The following EXOSC10 variants were observed in gnomAD, a reference collection of about 807,000 sequenced individuals.
EXOSC10 encodes the protein exosome complex component 10.
In EXOSC10, 94 loss-of-function variants were observed where a neutral mutation model predicts 126.6. The ratio of observed to expected loss-of-function variants is 0.74; its 90% CI spans 0.63 to 0.88. The LOEUF is 0.88. Ranked by LOEUF, EXOSC10 falls within the 40% of genes least tolerant of loss-of-function variation. The pLI, the probability that EXOSC10 is intolerant of heterozygous loss-of-function variation, is 0.00. For synonymous variants in EXOSC10, 395 were observed against 400.8 expected (o/e 0.99, Z 0.17); for missense variants, 1,041 against 1,100.5 (o/e 0.95, Z 0.77).
Position 11,072,463 on chromosome 1 carries a change from G to A in EXOSC10, c.2158-292C>T, listed in dbSNP as rs570068754. On this transcript the variant is annotated intron_variant, in intron 19 of 24. Transcript: ENST00000376936. ...CTGTCATCACCCTCTCTTTAGAGATGAGCAAACAGACTCCGGGAGAGTAAA... is the reference window on the plus strand; with the variant it reads ...CTGTCATCACCCTCTCTTTAGAGATAAGCAAACAGACTCCGGGAGAGTAAA... 6.5e-5 allele frequency: 19 copies of A among 291,630 alleles called. No individual in the cohort carries two copies. The East Asian group carries it at 1.6e-3, about 24-fold the overall frequency. The allele number at this position is 291,630 out of a possible 1,614,324, so 18.1% of individuals were successfully genotyped here.
chr1:11,092,420 G>A (rs981701395), intron 3 of EXOSC10, among the ~76,000 whole-genome samples: 3 of 150,580 alleles, frequency 2.0e-5, no homozygotes, highest in African/African-American at 7.3e-5. Flanking sequence ...TCACCAGGTT[G>A]GCCAGGATGG....
In EXOSC10 at chr1:11,080,255, A is replaced by G. The variant is rs921299471; in HGVS notation, c.1637+244T>C. Among the ~76,000 whole-genome samples the G allele has an allele frequency of 3.0e-4, 45 of 152,224 alleles. 1 individual carries two copies. The highest frequency in any genetic ancestry group is 6.2e-4 in the Non-Finnish European group (42 of 68,026). On this transcript the variant is annotated intron_variant, in intron 13 of 24. Coordinates refer to ENST00000376936, the MANE Select transcript of EXOSC10 (RefSeq NM_001001998.3). ...CTTGCAAGTAGATGCTATAAGGCTCAGAGACTTAAAATAAACTCAAACTAA... is the reference window on the plus strand; with the variant it reads ...CTTGCAAGTAGATGCTATAAGGCTCGGAGACTTAAAATAAACTCAAACTAA...
At position 11,079,790 on chromosome 1, in the gene EXOSC10, G is replaced by A; in HGVS notation, c.1670C>T (p.Pro557Leu). The A allele has an allele frequency of 1.9e-6, 3 of 1,613,676 alleles. No homozygotes were observed. Among genetic ancestry groups the A allele is most frequent in the South Asian group, 1.1e-5 (1 of 90,938 alleles). Reference sequence around the variant, plus strand: ...CTGCTGCCGCACAAGGGGCGGTACTGGGTTGCAGCAAGCTATGATGCCCTG... The same window carrying A: ...CTGCTGCCGCACAAGGGGCGGTACTAGGTTGCAGCAAGCTATGATGCCCTG... ...EPQGIIACCN[P>L]VPPLVRQQIN... Residue 557 changes from proline to leucine, a missense_variant, in exon 14 of 25, where the codon CCA becomes CTA. Transcript: ENST00000376936.
intron 9 of EXOSC10, among the ~76,000 whole-genome samples, chr1:11,083,374 C>G (rs1640280771): frequency 1.3e-5 from 2 of 151,818 alleles, no homozygotes; most frequent in Admixed American, 1.3e-4. Flanking sequence ...CCAGCCTGAC[C>G]AACATGGCAA....
At chr1:11,085,272 C>G (rs1640426900) in intron 9 of EXOSC10, among the ~76,000 whole-genome samples, 1 of 152,086 alleles carries the variant, frequency 6.6e-6, no homozygotes, top group Admixed American at 6.6e-5. Context: ...ATGGAATGTT[C>G]TTCCATTTGT....
chr1:11,099,684 G>A, intron 1 of EXOSC10, 37 bp downstream of exon 1: 1 of 1,555,590 alleles, frequency 6.4e-7, no homozygotes, highest in Middle Eastern at 1.8e-4. Context: ...GGCGGCCGCG[G>A]GCGACTCCTG....
At chr1:11,082,914 A>G (rs760792055) in intron 9 of EXOSC10, 36 bp from the exon 10 acceptor site, 1 of 1,530,066 alleles carries the variant, frequency 6.5e-7, no homozygotes, top group East Asian at 2.3e-5. Flanking sequence ...GTACACTGGT[A>G]GCAGGCCACT....
chr1:11,079,866 C>G, intron 13 of EXOSC10, 44 bp from the exon 14 acceptor site: 1 of 1,496,148 alleles, frequency 6.7e-7, no homozygotes, highest in East Asian at 2.4e-5. Context: ...CTCAGAAACG[C>G]AGCCCTTAAA....
chr1:11,088,276 T>C, intron 6 of EXOSC10, 78 bp from the exon 7 acceptor site: 1 of 1,045,864 alleles, frequency 9.6e-7, no homozygotes. Flanking sequence ...TTTTATCCAA[T>C]CTGTAAAAAC....
intron 9 of EXOSC10, 22 bp downstream of exon 9, chr1:11,087,426 G>A: frequency 6.2e-7 from 1 of 1,613,864 alleles, no homozygotes; most frequent in Non-Finnish European, 8.5e-7. Flanking sequence ...TCACATGCAT[G>A]AGTTACAAAA....
Position 11,091,505 on chromosome 1 carries a change from G to A in EXOSC10, c.465C>T (p.Ser155=). 1 of 1,613,996 alleles carries A rather than the reference G, an allele frequency of 6.2e-7. No individual in the cohort carries two copies. The highest frequency in any genetic ancestry group is 8.5e-7 in the Non-Finnish European group (1 of 1,179,906). The change falls in exon 4 of 25, where the codon AGC becomes AGT. Residue 155 remains serine (S), a synonymous_variant. Transcript: ENST00000376936. ...GLQVPKTVVS[S]WNRKAAEYGK... ...GAAAAGCCCTCACCTTACGGTTCCA[G>A]CTGGACACTACCGTTTTGGGGACCT...
chr1:11,080,456 C>G (rs1194325358), intron 13 of EXOSC10, 43 bp downstream of exon 13: 9 of 1,609,046 alleles, frequency 5.6e-6, no homozygotes, highest in African/African-American at 1.3e-5. Context: ...AACATCAGAT[C>G]TACTGAGAAA....
chr1:11,094,297 T>A (rs960378429), intron 3 of EXOSC10, among the ~76,000 whole-genome samples: 2 of 145,200 alleles, frequency 1.4e-5, no homozygotes, highest in South Asian at 2.2e-4. Context: ...CACTTTAACT[T>A]TTTTTTTTTT....
At chr1:11,072,255 G>T in intron 19 of EXOSC10, 84 bp from the exon 20 acceptor site, 1 of 976,772 alleles carries the variant, frequency 1.0e-6, no homozygotes, top group Non-Finnish European at 1.6e-6. Flanking sequence ...GTGACGAAGG[G>T]CAGGTTAACC....
chr1:11,098,959 GACCGCC>G (rs1202091465), intron 1 of EXOSC10, among the ~76,000 whole-genome samples: 35 of 152,344 alleles, frequency 2.3e-4, no homozygotes, highest in Admixed American at 2.2e-3. Context: ...TTATGAGCAT[GACCGCC>G]ACACAACCAG....
intron 14 of EXOSC10, among the ~76,000 whole-genome samples, chr1:11,078,233 C>T (rs1395238163): frequency 1.3e-5 from 2 of 152,054 alleles, no homozygotes; most frequent in African/African-American, 4.8e-5. Flanking sequence ...CCACTGCACT[C>T]CAGCCTGGGT....
At chr1:11,097,964 A>G (rs1641207320) in intron 2 of EXOSC10, 56 bp downstream of exon 2, 1 of 1,424,384 alleles carries the variant, frequency 7.0e-7, no homozygotes, top group Non-Finnish European at 9.2e-7. Flanking sequence ...AAATTTATCT[A>G]CTTCTTTGTT....
rs758004113 is a variant in EXOSC10, at chr1:11,079,773, G to A, written c.1687C>T (p.Arg563Trp). ...ACCNPVPPLV[R>W]QQINEMHLLI... ...AGGTGCATTTCGTTGATCTGCTGCC[G>A]CACAAGGGGCGGTACTGGGTTGCAG... Residue 563 changes from arginine to tryptophan, a missense_variant, in exon 14 of 25, where the codon CGG becomes TGG. Arg to Trp is a moderately radical substitution (Grantham distance 101). Coordinates refer to ENST00000376936, the MANE Select transcript of EXOSC10 (RefSeq NM_001001998.3). 136 of 1,613,610 alleles carry A rather than the reference G, an allele frequency of 8.4e-5. No individual in the cohort carries two copies. Among genetic ancestry groups the A allele is most frequent in the Non-Finnish European group, 1.1e-4 (131 of 1,179,856 alleles).
chr1:11,068,826 G>T, intron 22 of EXOSC10, 120 bp from the exon 23 acceptor site: 1 of 785,254 alleles, frequency 1.3e-6, no homozygotes, highest in Non-Finnish European at 2.3e-6. Flanking sequence ...GAGCACCCCT[G>T]TCACGATGAG....
Sources: gnomAD v4.1 joint callset for allele counts (sites outside exome capture counted in the v4.1 genomes callset) on GRCh38, gnomAD v4.1.1 for gene constraint, MANE v1.5 for transcripts, NCBI Gene and HGNC (gene_info 2026-07-23, HGNC 2026-07-21) for gene names.